The following LHX4 variants were observed in gnomAD, a reference collection of about 807,000 sequenced individuals.
LHX4 encodes LIM homeobox 4.
LHX4 carries 16 observed loss-of-function variants against 39.2 expected under a neutral mutation model. That is an observed-to-expected ratio of 0.41 (90% confidence interval 0.28 to 0.62). The LOEUF (loss-of-function observed/expected upper bound fraction) is 0.62, where lower values mean the gene tolerates loss of function less well. Ranked by LOEUF, LHX4 falls within the 20% of genes least tolerant of loss-of-function variation. LHX4 has a pLI of 0.33. For missense variants in LHX4, 439 were observed against 511.9 expected, an observed-to-expected ratio of 0.86 and a Z score of 1.37; for synonymous variants, 206 against 198.1, an observed-to-expected ratio of 1.04 and a Z score of -0.33.
At position 180,230,578 on chromosome 1, in the gene LHX4, C is replaced by T. The variant is rs1416242587; in HGVS notation, c.49C>T (p.Pro17Ser). 3 of 1,613,828 alleles carry T rather than the reference C, an allele frequency of 1.9e-6. No homozygotes were observed. Among genetic ancestry groups the T allele is most frequent in the East Asian group, 2.2e-5 (1 of 44,886 alleles). ...CGCGGAAGGGGCTGTCAAGGGGCTCCCGGAGATGCTAGGTGTGCCGATGCA... is the reference window on the plus strand; with the variant it reads ...CGCGGAAGGGGCTGTCAAGGGGCTCTCGGAGATGCTAGGTGTGCCGATGCA... Reference protein sequence around the residue: ...VPAEGAVKGLPEMLGVPMQQI... With the variant: ...VPAEGAVKGLSEMLGVPMQQI... The change falls in exon 1 of 6, where the codon CCG (proline) becomes TCG (serine). Residue 17 changes from proline to serine, a missense_variant. Physicochemically the swap from Pro to Ser is moderately conservative, Grantham distance 74. Transcript: ENST00000263726. The surrounding 1 kb of genome is among the most constrained non-coding windows in gnomAD (Gnocchi z 5.8).
chr1:180,272,305 C>A (rs929333084), intron 5 of LHX4, among the ~76,000 whole-genome samples: 1 of 152,188 alleles, frequency 6.6e-6, no homozygotes, highest in African/African-American at 2.4e-5. Context: ...GCCCACACAG[C>A]TATGAACAGA....
Position 180,277,870 on chromosome 1 carries a change from C to CA in LHX4, c.*3291_*3292insA, listed in dbSNP as rs1553285482. 1 of 60,170 alleles carries CA rather than the reference C, an allele frequency of 1.7e-5. No individual in the cohort carries two copies. The highest frequency in any genetic ancestry group is 5.1e-5 in the Non-Finnish European group (1 of 19,610). 3.7% of individuals were successfully genotyped at this position (60,170 alleles called of 1,614,324 possible). ...AAAACCATTTGGCAGTGTCCTTAAA[C>CA]TTTTTTTGGGGGGGGGCAGTGTAAA... On this transcript the variant is annotated 3_prime_UTR_variant, in exon 6 of 6. Coordinates refer to ENST00000263726, the MANE Select transcript of LHX4 (RefSeq NM_033343.4).
upstream of LHX4, among the ~76,000 whole-genome samples, chr1:180,229,974 G>GGGGT (rs1664133115): frequency 9.5e-6 from 1 of 105,496 alleles, no homozygotes; most frequent in African/African-American, 3.3e-5. Flanking sequence ...AGGGGGGGGG[G>GGGGT]GTGCCGGCTT....
intron 1 of LHX4, among the ~76,000 whole-genome samples, chr1:180,240,326 G>C (rs897626079): frequency 6.6e-6 from 1 of 152,164 alleles, no homozygotes; most frequent in African/African-American, 2.4e-5. Flanking sequence ...GAGCCACCGT[G>C]CCCGGCCTAA....
At position 180,275,974 on chromosome 1, in the gene LHX4, G is replaced by A. The variant is rs370226839; in HGVS notation, c.*1395G>A. On this transcript the variant is annotated 3_prime_UTR_variant, in exon 6 of 6. Transcript: ENST00000263726. Reference sequence around the variant, plus strand: ...AGACTGCACTGCTGTGGGAAACGCTGTCCTGAATGGTGCTGCAGCTCCCAC... The same window carrying A: ...AGACTGCACTGCTGTGGGAAACGCTATCCTGAATGGTGCTGCAGCTCCCAC... 3.3e-5 allele frequency: 5 copies of A among 152,250 alleles called. No individual in the cohort carries two copies. The highest frequency in any genetic ancestry group is 1.2e-4 in the African/African-American group (5 of 41,458). 9.4% of individuals were successfully genotyped at this position (152,250 alleles called of 1,614,324 possible).
At chr1:180,259,098 G>T (rs572066808) in intron 2 of LHX4, among the ~76,000 whole-genome samples, 2 of 152,148 alleles carry the variant, frequency 1.3e-5, no homozygotes, top group South Asian at 4.2e-4. Flanking sequence ...CCAGGGGAGC[G>T]GGGTGGGCAG....
chr1:180,271,859 A>G lies in LHX4; in HGVS notation c.631A>G (p.Lys211Glu). 6.2e-7 allele frequency: 1 copy of G among 1,613,868 alleles called. No individual in the cohort carries two copies. Among genetic ancestry groups the G allele is most frequent in the Non-Finnish European group, 8.5e-7 (1 of 1,179,978 alleles). ...VQVWFQNRRA[K>E]EKRLKKDAGR... ...GGTTTGGTTTCAGAACAGAAGGGCC[A>G]AAGAGAAACGCCTGAAGAAGGATGC... The change falls in exon 5 of 6, where the codon AAA (lysine) becomes GAA (glutamate). Residue 211 changes from lysine to glutamate, a missense_variant. Transcript: ENST00000263726.
rs972427711 is a variant in LHX4, at chr1:180,235,072, C to T, written c.76+4467C>T. ...CCGGTGGAGGTAGATGTGGACAGGG[C>T]GGCCGGCCCTTCGCGGGTAGCCGGC... On this transcript the variant is annotated intron_variant, in intron 1 of 5. Coordinates refer to ENST00000263726, the MANE Select transcript of LHX4 (RefSeq NM_033343.4). Among the ~76,000 whole-genome samples, 22 of 152,344 alleles carry T rather than the reference C, an allele frequency of 1.4e-4. No individual in the cohort carries two copies. The East Asian group carries it at 3.1e-3, about 21-fold the overall frequency.
chr1:180,272,942 A>G (rs1648773040), intron 5 of LHX4: 1 of 152,228 alleles, frequency 6.6e-6, no homozygotes, highest in Non-Finnish European at 1.5e-5. Flanking sequence ...GCTCCCGCAG[A>G]GGGCCCTGGT....
intron 2 of LHX4, among the ~76,000 whole-genome samples, chr1:180,265,757 A>G (rs972039148): frequency 2.6e-5 from 4 of 152,158 alleles, no homozygotes; most frequent in Non-Finnish European, 5.9e-5. Context: ...GTGTGCGTGC[A>G]TAGGAAGGGG....
chr1:180,255,121 G>A (rs1647791280), intron 2 of LHX4, among the ~76,000 whole-genome samples: 1 of 152,260 alleles, frequency 6.6e-6, no homozygotes, highest in Admixed American at 6.5e-5. Flanking sequence ...GCATCAAAGA[G>A]CGGGGCCAGC....
rs6674108 is a variant in LHX4, at chr1:180,234,881, G to A, written c.76+4276G>A. Among the ~76,000 whole-genome samples, 631 of 152,308 alleles carry A rather than the reference G, an allele frequency of 4.1e-3. 6 individuals carry two copies. The highest frequency in any genetic ancestry group is 0.014 in the African/African-American group (583 of 41,560). On this transcript the variant is annotated intron_variant, in intron 1 of 5. Coordinates refer to ENST00000263726, the MANE Select transcript of LHX4 (RefSeq NM_033343.4). The surrounding 1 kb of genome is among the most constrained non-coding windows in gnomAD (Gnocchi z 4.8). ...AGCGCGACCCACATGACCTCGCTAC[G>A]ACCGGGGCAGGGCTCCTCCGCCCCG...
At chr1:180,237,944 C>T (rs1000118209) in intron 1 of LHX4, among the ~76,000 whole-genome samples, 1 of 152,182 alleles carries the variant, frequency 6.6e-6, no homozygotes, top group Non-Finnish European at 1.5e-5. Flanking sequence ...GACGTGTCTA[C>T]AACATTTCCA....
Position 180,266,835 on chromosome 1 carries a change from G to T in LHX4, c.451+241G>T, listed in dbSNP as rs1445510090. ...ATCCAGCCATGGTTCCTGAGAGCCT[G>T]CCTGTCTCCATGGTAGGCTCAGAAG... On this transcript the variant is annotated intron_variant, in intron 3 of 5. Transcript: ENST00000263726. The surrounding 1 kb of genome is among the most constrained non-coding windows in gnomAD (Gnocchi z 5.7). 6.6e-6 allele frequency among the ~76,000 whole-genome samples: 1 copy of T among 152,226 alleles called. No homozygotes were observed. Among genetic ancestry groups the T allele is most frequent in the Non-Finnish European group, 1.5e-5 (1 of 68,044 alleles).
At chr1:180,237,154 A>G (rs754650472) in intron 1 of LHX4, among the ~76,000 whole-genome samples, 15 of 148,300 alleles carry the variant, frequency 1.0e-4, no homozygotes, top group Non-Finnish European at 2.2e-4. Flanking sequence ...CCTTTGCAAA[A>G]TCTTTGCAGG....
intron 2 of LHX4, among the ~76,000 whole-genome samples, chr1:180,257,860 A>G (rs1232924991): frequency 6.6e-6 from 1 of 152,210 alleles, no homozygotes; most frequent in Non-Finnish European, 1.5e-5. Context: ...AGAGTAAGGA[A>G]GACATCCCAG....
chr1:180,229,973 G>C (rs1351450892), upstream of LHX4, among the ~76,000 whole-genome samples: 22 of 143,722 alleles, frequency 1.5e-4, 1 homozygote, highest in Admixed American at 9.4e-4. Context: ...GAGGGGGGGG[G>C]GGTGCCGGCT....
intron 2 of LHX4, among the ~76,000 whole-genome samples, chr1:180,257,844 T>C (rs1210628661): frequency 6.6e-6 from 1 of 152,148 alleles, no homozygotes; most frequent in African/African-American, 2.4e-5. Context: ...CTGCCTTCAA[T>C]AGCCAAGAGT....
chr1:180,266,975 G>A lies in LHX4; in HGVS notation c.451+381G>A, dbSNP rs1648345183. 1.3e-5 allele frequency among the ~76,000 whole-genome samples: 2 copies of A among 152,196 alleles called. No homozygotes were observed. The highest frequency in any genetic ancestry group is 4.1e-4 in the South Asian group (2 of 4,836). ...ATTGGACACGTGGGGCTGCCGCTTA[G>A]TTTTGCACATCAGGGTGCACATGGA... On this transcript the variant is annotated intron_variant, in intron 3 of 5. Coordinates refer to ENST00000263726, the MANE Select transcript of LHX4 (RefSeq NM_033343.4). The surrounding 1 kb of genome is among the most constrained non-coding windows in gnomAD (Gnocchi z 5.7).
Sources: allele counts gnomAD v4.1 joint callset (sites outside exome capture counted in the v4.1 genomes callset), GRCh38; gene constraint gnomAD v4.1.1; non-coding constraint Gnocchi (gnomAD v3.1); transcripts MANE v1.5; gene names NCBI Gene and HGNC (gene_info 2026-07-23, HGNC 2026-07-21).